The following CNTNAP2 variants were observed in gnomAD, a reference collection of about 807,000 sequenced individuals.
CNTNAP2 encodes the protein contactin-associated protein-like 2.
A neutral mutation model predicts 155.2 loss-of-function variants in CNTNAP2; 98 were observed. The ratio of observed to expected loss-of-function variants is 0.63; its 90% CI spans 0.54 to 0.75. CNTNAP2 has a LOEUF of 0.75. Ranked by LOEUF, CNTNAP2 falls within the 30% of genes least tolerant of loss-of-function variation. The probability of loss-of-function intolerance (pLI) is 0.00; values close to 1 mark genes in which losing one functional copy is unlikely to be tolerated. For missense variants in CNTNAP2, 1,727 were observed against 1,688.1 expected (o/e 1.02, Z -0.40); for synonymous variants, 651 against 631.2 (o/e 1.03, Z -0.47).
intron 13 of CNTNAP2, among the ~76,000 whole-genome samples, chr7:147,768,144 C>G (rs1297368122): frequency 6.6e-6 from 1 of 152,058 alleles, no homozygotes; most frequent in African/African-American, 2.4e-5. Context: ...GGTTTTTTAT[C>G]TAATGTCTCA....
At chr7:147,400,316 T>A (rs192312420) in intron 10 of CNTNAP2, among the ~76,000 whole-genome samples, 3 of 152,206 alleles carry the variant, frequency 2.0e-5, no homozygotes, top group Non-Finnish European at 4.4e-5. Context: ...AGTGAGTCAG[T>A]CCTTGTTGGT....
chr7:147,668,628 A>G (rs995549746), intron 13 of CNTNAP2, among the ~76,000 whole-genome samples: 3 of 152,208 alleles, frequency 2.0e-5, no homozygotes, highest in Non-Finnish European at 4.4e-5. Context: ...AAAAAATTAA[A>G]GATTGAAAAA....
intron 1 of CNTNAP2, among the ~76,000 whole-genome samples, chr7:146,264,910 TA>T (rs1476258227): frequency 1.3e-5 from 2 of 152,208 alleles, no homozygotes; most frequent in Non-Finnish European, 2.9e-5. Flanking sequence ...CATAAGATGT[TA>T]AAGGTTTGCC....
chr7:147,830,678 T>C (rs531860111), intron 13 of CNTNAP2, among the ~76,000 whole-genome samples: 1 of 152,280 alleles, frequency 6.6e-6, no homozygotes, highest in East Asian at 1.9e-4. Flanking sequence ...TATAATGGGT[T>C]GGAGGGAAAA....
At chr7:146,154,029 A>G (rs1798089650) in intron 1 of CNTNAP2, among the ~76,000 whole-genome samples, 1 of 152,108 alleles carries the variant, frequency 6.6e-6, no homozygotes, top group Non-Finnish European at 1.5e-5. Flanking sequence ...TTTGGAAAAC[A>G]CTGATTGTTC....
intron 21 of CNTNAP2, among the ~76,000 whole-genome samples, chr7:148,276,892 A>G (rs1348898768): frequency 1.3e-5 from 2 of 152,210 alleles, no homozygotes; most frequent in East Asian, 1.9e-4. Flanking sequence ...AGAAAATGCA[A>G]TGTCTTTATC....
intron 9 of CNTNAP2, among the ~76,000 whole-genome samples, chr7:147,318,215 G>T (rs561665604): frequency 6.6e-6 from 1 of 152,258 alleles, no homozygotes; most frequent in South Asian, 2.1e-4. Flanking sequence ...GCTGAGGTAG[G>T]AGAATCACTT....
intron 1 of CNTNAP2, among the ~76,000 whole-genome samples, chr7:146,456,334 G>A (rs907674558): frequency 2.0e-5 from 3 of 152,152 alleles, no homozygotes; most frequent in Non-Finnish European, 2.9e-5. Context: ...CAAGATTTCC[G>A]GGTCAGTCTG....
chr7:146,971,805 CACCTGCT>C (rs901700764), intron 3 of CNTNAP2, among the ~76,000 whole-genome samples: 3 of 152,114 alleles, frequency 2.0e-5, no homozygotes, highest in Admixed American at 1.3e-4. Flanking sequence ...CTAATACCCC[CACCTGCT>C]AATACCCATC....
chr7:147,154,658 A>T (rs1422815575), intron 8 of CNTNAP2, among the ~76,000 whole-genome samples: 5 of 152,160 alleles, frequency 3.3e-5, no homozygotes, highest in Admixed American at 2.6e-4. Flanking sequence ...AATTGAAATG[A>T]AATGCACATA....
chr7:147,404,256 G>C (rs1191385479), intron 10 of CNTNAP2, among the ~76,000 whole-genome samples: 1 of 152,136 alleles, frequency 6.6e-6, no homozygotes, highest in Admixed American at 6.5e-5. Flanking sequence ...AATAATCAAA[G>C]AACAGGTTGG....
intron 4 of CNTNAP2, among the ~76,000 whole-genome samples, chr7:147,052,426 T>C (rs1378508942): frequency 2.6e-5 from 4 of 152,194 alleles, no homozygotes; most frequent in African/African-American, 9.6e-5. Context: ...CAGTGAAAAC[T>C]GATTACTATT....
intron 1 of CNTNAP2, among the ~76,000 whole-genome samples, chr7:146,709,201 T>G (rs1409312503): frequency 6.6e-6 from 1 of 151,178 alleles, no homozygotes; most frequent in East Asian, 1.9e-4. Flanking sequence ...TTCCATTTTT[T>G]TAAGAGACAA....
At chr7:148,179,182 T>C (rs905495366) in intron 18 of CNTNAP2, among the ~76,000 whole-genome samples, 1 of 152,070 alleles carries the variant, frequency 6.6e-6, no homozygotes, top group Non-Finnish European at 1.5e-5. Flanking sequence ...AACTCCTGCA[T>C]CCCTTCCTGA....
At position 147,121,099 on chromosome 7, in the gene CNTNAP2, T is replaced by A. The variant is rs1801102530; in HGVS notation, c.875T>A (p.Leu292Gln). Residue 292 changes from leucine to glutamine, a missense_variant, in exon 6 of 24, where the codon CTG (leucine) becomes CAG (glutamine). By Grantham distance (113) the Leu-to-Gln change is moderately radical. Transcript: ENST00000361727. Reference sequence around the variant, plus strand: ...CAGGGGCGGAGCATTAACCTCACTCTGGACAGGAGCATGCAGCACTTCCGT... The same window carrying A: ...CAGGGGCGGAGCATTAACCTCACTCAGGACAGGAGCATGCAGCACTTCCGT... ...ERQGRSINLT[L>Q]DRSMQHFRTN... The A allele has an allele frequency of 9.9e-6, 16 of 1,614,194 alleles. No individual in the cohort carries two copies. Among genetic ancestry groups the A allele is most frequent in the Non-Finnish European group, 1.4e-5 (16 of 1,180,032 alleles).
intron 1 of CNTNAP2, among the ~76,000 whole-genome samples, chr7:146,163,184 A>T (rs1798252024): frequency 6.6e-6 from 1 of 152,080 alleles, no homozygotes; most frequent in Non-Finnish European, 1.5e-5. Context: ...TAAAAATAAC[A>T]TTAAAGCAAT....
intron 16 of CNTNAP2, among the ~76,000 whole-genome samples, chr7:148,138,697 A>G (rs939811705): frequency 1.3e-5 from 2 of 152,242 alleles, no homozygotes; most frequent in Middle Eastern, 3.4e-3. Context: ...CTCTATCCCC[A>G]GAGTAACCAT....
chr7:146,345,415 C>T (rs749575516), intron 1 of CNTNAP2, among the ~76,000 whole-genome samples: 8 of 152,148 alleles, frequency 5.3e-5, no homozygotes, highest in Non-Finnish European at 7.3e-5. Context: ...CTGATAAGAC[C>T]GTTGAGGTCA....
chr7:147,173,811 G>T (rs1336980997), intron 8 of CNTNAP2, among the ~76,000 whole-genome samples: 1 of 152,156 alleles, frequency 6.6e-6, no homozygotes, highest in African/African-American at 2.4e-5. Context: ...GAAGCAAGGG[G>T]ACTCTGCACA....
Sources: allele counts gnomAD v4.1 joint callset (sites outside exome capture counted in the v4.1 genomes callset), GRCh38; gene constraint gnomAD v4.1.1; transcripts MANE v1.5; gene names NCBI Gene and HGNC (gene_info 2026-07-23, HGNC 2026-07-21).